SNX4: variants seen among roughly 807,000 people sequenced by gnomAD.
The protein encoded by SNX4 is sorting nexin 4.
A neutral mutation model predicts 70.8 loss-of-function variants in SNX4; 49 were observed. That is an observed-to-expected ratio of 0.69 (90% CI 0.55 to 0.88). The LOEUF (loss-of-function observed/expected upper bound fraction) is 0.88, where lower values mean the gene tolerates loss of function less well. Ranked by LOEUF, SNX4 falls within the 40% of genes least tolerant of loss-of-function variation. SNX4 has a pLI of 0.00. For missense variants in SNX4, 528 were observed against 544.8 expected (o/e 0.97, Z 0.31); for synonymous variants, 206 against 183.8 (o/e 1.12, Z -0.98).
intron 7 of SNX4, among the ~76,000 whole-genome samples, chr3:125,477,342 C>T (rs1010585966): frequency 2.0e-4 from 31 of 152,280 alleles, no homozygotes; most frequent in East Asian, 5.8e-4. Context: ...TCCTAACCAA[C>T]GAACACATTA....
intron 1 of SNX4, 102 bp downstream of exon 1, chr3:125,519,930 A>C: frequency 8.9e-7 from 1 of 1,125,170 alleles, no homozygotes; most frequent in Non-Finnish European, 1.2e-6. Context: ...TCCTCGGCCG[A>C]GCCCACTGGC....
intron 1 of SNX4, 69 bp downstream of exon 1, chr3:125,519,962 CA>C: frequency 1.1e-5 from 14 of 1,320,216 alleles, no homozygotes; most frequent in East Asian, 3.2e-5. Context: ...CAGCCCAGCC[CA>C]GCCCAGCCCA....
intron 1 of SNX4, among the ~76,000 whole-genome samples, chr3:125,507,875 T>G (rs1935083369): frequency 6.6e-6 from 1 of 151,994 alleles, no homozygotes; most frequent in Non-Finnish European, 1.5e-5. Flanking sequence ...ATCACGCCAC[T>G]GAACTTCAGT....
intron 5 of SNX4, among the ~76,000 whole-genome samples, chr3:125,493,991 T>C (rs6790517): frequency 0.56 from 84,035 of 149,546 alleles, 25,338 homozygotes; most frequent in African/African-American, 0.8. Context: ...GAGCAGAGAT[T>C]GCACCACTGC....
chr3:125,453,710 T>C, intron 12 of SNX4, 100 bp downstream of exon 12: 1 of 1,157,388 alleles, frequency 8.6e-7, no homozygotes, highest in Non-Finnish European at 1.2e-6. Flanking sequence ...GGGATGCCAA[T>C]GAAGCTGGGA....
chr3:125,507,191 G>GGA (rs1935065919), intron 1 of SNX4, among the ~76,000 whole-genome samples: 2 of 90,820 alleles, frequency 2.2e-5, no homozygotes, highest in African/African-American at 8.2e-5. Flanking sequence ...CTGGGTGATA[G>GGA]AAAAAAAAAA....
At chr3:125,510,056 C>T (rs992705585) in intron 1 of SNX4, among the ~76,000 whole-genome samples, 1 of 152,042 alleles carries the variant, frequency 6.6e-6, no homozygotes, top group African/African-American at 2.4e-5. Flanking sequence ...AGTGGTGCCT[C>T]AAAAAATTAA....
At chr3:125,506,832 A>AGG (rs1935055333) in intron 1 of SNX4, among the ~76,000 whole-genome samples, 1 of 136,398 alleles carries the variant, frequency 7.3e-6, no homozygotes, top group South Asian at 2.2e-4. Flanking sequence ...AAAAAAAAAA[A>AGG]AAAAAAAAAA....
At chr3:125,489,849 G>GA (rs1934611651) in intron 5 of SNX4, among the ~76,000 whole-genome samples, 1 of 152,228 alleles carries the variant, frequency 6.6e-6, no homozygotes, top group South Asian at 2.1e-4. Context: ...TTCATGGCCG[G>GA]GCACAGTGGC....
At chr3:125,519,969 G>A in intron 1 of SNX4, 63 bp downstream of exon 1, 3 of 841,276 alleles carry the variant, frequency 3.6e-6, no homozygotes, top group Non-Finnish European at 5.0e-6. Flanking sequence ...GCCCAGCCCA[G>A]CCCAGCCCGG....
chr3:125,483,203 G>A (rs929818184), intron 6 of SNX4, among the ~76,000 whole-genome samples: 8 of 150,982 alleles, frequency 5.3e-5, no homozygotes, highest in East Asian at 1.9e-4. Flanking sequence ...AACTGTGAGC[G>A]GCTTTCTTTA....
chr3:125,509,586 T>C (rs1197801573), intron 1 of SNX4, among the ~76,000 whole-genome samples: 1 of 151,646 alleles, frequency 6.6e-6, no homozygotes, highest in Non-Finnish European at 1.5e-5. Context: ...ACCCTGTCTC[T>C]ACTAAAAATA....
chr3:125,451,351 T>C lies in SNX4; in HGVS notation c.1259A>G (p.Glu420Gly). 6.2e-7 allele frequency: 1 copy of C among 1,613,954 alleles called. No homozygotes were observed. Among genetic ancestry groups the C allele is most frequent in the Non-Finnish European group, 8.5e-7 (1 of 1,179,892 alleles). ...FKEQKNRDLK[E>G]ALISYAVMQI... Reference sequence around the variant, plus strand: ...CATGACTGCATAGCTTATGAGGGCCTCCTTTAAGTCTCGGTTCTTTTGTTC... The same window carrying C: ...CATGACTGCATAGCTTATGAGGGCCCCCTTTAAGTCTCGGTTCTTTTGTTC... The change falls in exon 13 of 14, where the codon GAG (glutamate) becomes GGG (glycine). Residue 420 changes from glutamate to glycine, a missense_variant. Coordinates refer to ENST00000251775, the MANE Select transcript of SNX4 (RefSeq NM_003794.4).
At chr3:125,491,033 T>C (rs1934648488) in intron 5 of SNX4, among the ~76,000 whole-genome samples, 1 of 152,040 alleles carries the variant, frequency 6.6e-6, no homozygotes, top group Admixed American at 6.5e-5. Context: ...AAAACAAATA[T>C]AACAAATATA....
intron 8 of SNX4, among the ~76,000 whole-genome samples, chr3:125,470,823 G>A (rs1474392504): frequency 6.6e-6 from 1 of 152,072 alleles, no homozygotes; most frequent in Non-Finnish European, 1.5e-5. Flanking sequence ...ATTTCTGTAC[G>A]AGACTTTGTT....
At chr3:125,481,587 T>C (rs1417143073) in intron 6 of SNX4, among the ~76,000 whole-genome samples, 1 of 152,114 alleles carries the variant, frequency 6.6e-6, no homozygotes, top group Non-Finnish European at 1.5e-5. Flanking sequence ...TATCTGGGAT[T>C]ATAGGCATGT....
intron 2 of SNX4, among the ~76,000 whole-genome samples, chr3:125,501,647 A>T (rs1934934585): frequency 6.6e-6 from 1 of 151,710 alleles, no homozygotes; most frequent in African/African-American, 2.4e-5. Context: ...TCCATCGCCC[A>T]TCTGTACTGA....
intron 5 of SNX4, among the ~76,000 whole-genome samples, chr3:125,495,533 A>G (rs1164207441): frequency 6.8e-6 from 1 of 146,502 alleles, no homozygotes; most frequent in African/African-American, 2.8e-5. Context: ...TACTGATATT[A>G]CCTTTCAAAT....
At chr3:125,509,752 CAAAAAAAAAA>C (rs202049305) in intron 1 of SNX4, among the ~76,000 whole-genome samples, 1 of 68,686 alleles carries the variant, frequency 1.5e-5, no homozygotes, top group Non-Finnish European at 2.8e-5. Flanking sequence ...GAATCTGTCT[CAAAAAAAAAA>C]AAAAAAAAAA....
Sources: gnomAD v4.1 joint callset for allele counts (sites outside exome capture counted in the v4.1 genomes callset) on GRCh38, gnomAD v4.1.1 for gene constraint, MANE v1.5 for transcripts, NCBI Gene and HGNC (gene_info 2026-07-23, HGNC 2026-07-21) for gene names.